Variants in ITGAV observed in about 807,000 individuals in gnomAD.
ITGAV encodes the protein integrin subunit alpha V.
A neutral mutation model predicts 143.8 loss-of-function variants in ITGAV; 76 were observed. That is an observed-to-expected ratio of 0.53 (90% CI 0.44 to 0.64). The LOEUF (loss-of-function observed/expected upper bound fraction) is 0.64, where lower values mean the gene tolerates loss of function less well. ITGAV is among the 30% of genes least tolerant of loss of function. ITGAV has a pLI of 0.00. For missense variants in ITGAV, 1,193 were observed against 1,274.7 expected (o/e 0.94, Z 0.98); for synonymous variants, 453 against 446.7 (o/e 1.01, Z -0.18).
intron 2 of ITGAV, among the ~76,000 whole-genome samples, chr2:186,621,577 A>C (rs1042991830): frequency 2.6e-5 from 4 of 152,196 alleles, no homozygotes; most frequent in Non-Finnish European, 5.9e-5. Context: ...CACATCTTGC[A>C]TTCGGTCGAC....
At position 186,614,757 on chromosome 2, in the gene ITGAV, A is replaced by G. The variant is rs527562496; in HGVS notation, c.317-7582A>G. ...TACTCTTCTGACACATCTATTTTTA[A>G]TTAATTTTGAAAAAGTCATTTTTTA... On this transcript the variant is annotated intron_variant, in intron 2 of 29. Coordinates refer to ENST00000261023, the MANE Select transcript of ITGAV (RefSeq NM_002210.5). Among the ~76,000 whole-genome samples, 288 of 151,672 alleles carry G rather than the reference A, an allele frequency of 1.9e-3. 1 individual carries two copies. The highest frequency in any genetic ancestry group is 6.4e-3 in the African/African-American group (266 of 41,416).
intron 12 of ITGAV, among the ~76,000 whole-genome samples, chr2:186,644,318 G>C (rs564449128): frequency 6.6e-6 from 1 of 150,938 alleles, no homozygotes; most frequent in Non-Finnish European, 1.5e-5. Context: ...TTGTTTGTTT[G>C]TTTTGTTTTG....
chr2:186,666,053 T>C (rs2105743920), intron 21 of ITGAV, among the ~76,000 whole-genome samples: 1 of 152,344 alleles, frequency 6.6e-6, no homozygotes, highest in East Asian at 1.9e-4. Flanking sequence ...TTATATAGTT[T>C]CTGCTTATTA....
intron 18 of ITGAV, among the ~76,000 whole-genome samples, chr2:186,662,146 A>G (rs1299735113): frequency 6.6e-6 from 1 of 152,124 alleles, no homozygotes; most frequent in Non-Finnish European, 1.5e-5. Flanking sequence ...AACTTAAGAT[A>G]CTCATCTAAC....
At chr2:186,601,045 C>G (rs1050402644) in intron 1 of ITGAV, among the ~76,000 whole-genome samples, 1 of 151,226 alleles carries the variant, frequency 6.6e-6, no homozygotes, top group Admixed American at 6.6e-5. Context: ...GTAGAGGAAG[C>G]ACTCACTTCA....
chr2:186,666,564 G>A (rs542345889), intron 21 of ITGAV, 140 bp from the exon 22 acceptor site: 10 of 443,728 alleles, frequency 2.3e-5, no homozygotes, highest in Non-Finnish European at 3.6e-5. Flanking sequence ...TAGAAAATAA[G>A]ATTTAGTTAT....
At chr2:186,646,930 A>G in intron 13 of ITGAV, 53 bp downstream of exon 13, 3 of 1,149,130 alleles carry the variant, frequency 2.6e-6, no homozygotes, top group Non-Finnish European at 3.6e-6. Flanking sequence ...CTAATAGCAA[A>G]TAGTATTAGT....
intron 5 of ITGAV, among the ~76,000 whole-genome samples, chr2:186,631,286 T>C: frequency 6.6e-6 from 1 of 152,216 alleles, no homozygotes; most frequent in East Asian, 1.9e-4. Context: ...GTTTGCCATC[T>C]ATTATGTGCC....
chr2:186,612,599 T>C (rs1687245693), intron 2 of ITGAV, among the ~76,000 whole-genome samples: 1 of 152,204 alleles, frequency 6.6e-6, no homozygotes, highest in African/African-American at 2.4e-5. Context: ...AAAAATGCTG[T>C]GGAGTATTTT....
At position 186,640,946 on chromosome 2, in the gene ITGAV, C is replaced by G. The variant is rs1447912228; in HGVS notation, c.935C>G (p.Ala312Gly). The G allele has an allele frequency of 6.3e-7, 1 of 1,597,366 alleles. No homozygotes were observed. ...GCATATTTCGGATTTTCTGTAGCTG[C>G]CACTGACATTAATGGAGATGAGTAA... ...MAAYFGFSVA[A>G]TDINGDDYAD... is the part of the protein sequence containing the mutation. The change falls in exon 11 of 30, where the codon GCC becomes GGC. Residue 312 changes from alanine to glycine, a missense_variant. Transcript: ENST00000261023.
chr2:186,605,670 A>G (rs1355167964), intron 2 of ITGAV, among the ~76,000 whole-genome samples: 1 of 151,580 alleles, frequency 6.6e-6, no homozygotes, highest in Non-Finnish European at 1.5e-5. Context: ...TAAATTGAAG[A>G]GATGAATGTA....
Position 186,667,872 on chromosome 2 carries a change from T to C in ITGAV, c.2433+96T>C. ...TAAAAAAAAAATTCTATGTAATTTT[T>C]ATGTAAACTCTACATTGGTTAAGTA... On this transcript the variant is annotated intron_variant, in intron 24 of 29. Coordinates refer to ENST00000261023, the MANE Select transcript of ITGAV (RefSeq NM_002210.5). 8.4e-6 allele frequency: 5 copies of C among 593,798 alleles called. No homozygotes were observed. In the South Asian group the frequency reaches 1.4e-4, roughly 17 times the overall value. The allele number at this position is 593,798 out of a possible 1,614,324, so 36.8% of individuals were successfully genotyped here.
At chr2:186,671,026 T>A (rs1033979388) in intron 26 of ITGAV, among the ~76,000 whole-genome samples, 1 of 152,184 alleles carries the variant, frequency 6.6e-6, no homozygotes, top group Non-Finnish European at 1.5e-5. Context: ...TGCATCAGTA[T>A]TTTCTTTCAA....
chr2:186,625,662 G>GGT (rs55864210), intron 4 of ITGAV, 75 bp downstream of exon 4: 14 of 535,500 alleles, frequency 2.6e-5, no homozygotes, highest in African/African-American at 2.0e-4. Context: ...TGTGTGTGTG[G>GGT]GTGTGTGTGT....
In ITGAV at chr2:186,679,504, T is replaced by A. The variant is rs200275250; in HGVS notation, c.*2212T>A. On this transcript the variant is annotated 3_prime_UTR_variant, in exon 30 of 30. Coordinates refer to ENST00000261023, the MANE Select transcript of ITGAV (RefSeq NM_002210.5). Reference sequence around the variant, plus strand: ...TGAAGAAAATGGTGGGATTTTTTTTTATCATGATTAAATATCAAAAAATTG... The same window carrying A: ...TGAAGAAAATGGTGGGATTTTTTTTAATCATGATTAAATATCAAAAAATTG... The A allele has an allele frequency of 2.7e-5, 4 of 150,810 alleles. No homozygotes were observed. Among genetic ancestry groups the A allele is most frequent in the African/African-American group, 7.3e-5 (3 of 41,080 alleles). 9.3% of individuals were successfully genotyped at this position (150,810 alleles called of 1,614,324 possible).
At chr2:186,598,353 C>T (rs1463664017) in intron 1 of ITGAV, among the ~76,000 whole-genome samples, 1 of 151,022 alleles carries the variant, frequency 6.6e-6, no homozygotes, top group Non-Finnish European at 1.5e-5. Context: ...TTAACCAACT[C>T]TGCTCTAGAA....
chr2:186,678,566 C>A lies in ITGAV; in HGVS notation c.*1274C>A. The A allele has an allele frequency of 3.3e-6, 1 of 303,562 alleles. No homozygotes were observed. Among genetic ancestry groups the A allele is most frequent in the Admixed American group, 4.5e-5 (1 of 22,080 alleles). 18.8% of individuals were successfully genotyped at this position (303,562 alleles called of 1,614,324 possible). A position where few individuals can be genotyped will look rare whatever the true frequency, so the allele number is the denominator to read the frequency against. On this transcript the variant is annotated 3_prime_UTR_variant, in exon 30 of 30. Transcript: ENST00000261023. ...GTTACTGAAAACCTTTTAAACCTTT[C>A]TGAAGTTCGTTAGTATAAATTACTT...
chr2:186,656,670 T>C (rs576038248), intron 17 of ITGAV, among the ~76,000 whole-genome samples: 48 of 151,430 alleles, frequency 3.2e-4, no homozygotes, highest in African/African-American at 1.1e-3. Flanking sequence ...TTCAAGACAG[T>C]AAAAGAAATC....
At chr2:186,639,801 CAA>C (rs1688051968) in intron 10 of ITGAV, among the ~76,000 whole-genome samples, 1 of 152,318 alleles carries the variant, frequency 6.6e-6, no homozygotes, top group South Asian at 2.1e-4. Flanking sequence ...GTGCCCGGGA[CAA>C]AGTGTGTCTC....
Sources: gnomAD v4.1 joint callset for allele counts (sites outside exome capture counted in the v4.1 genomes callset) on GRCh38, gnomAD v4.1.1 for gene constraint, MANE v1.5 for transcripts, NCBI Gene and HGNC (gene_info 2026-07-23, HGNC 2026-07-21) for gene names.